The following BICRAL variants were observed in gnomAD, a reference collection of about 807,000 sequenced individuals.
The protein encoded by BICRAL is BICRA like chromatin remodeling complex associated protein.
Under a neutral mutation model 91.8 loss-of-function variants are expected in BICRAL, and 8 were observed. The ratio of observed to expected loss-of-function variants is 0.09; its 90% CI spans 0.05 to 0.16. The LOEUF (loss-of-function observed/expected upper bound fraction) is 0.16. Ranked by LOEUF, BICRAL falls within the 10% of genes least tolerant of loss-of-function variation. BICRAL has a pLI of 1.00. For missense variants in BICRAL, 1,038 were observed against 1,310.9 expected (o/e 0.79, Z 3.21); for synonymous variants, 445 against 491.1 (o/e 0.91, Z 1.24).
chr6:42,812,821 CAGG>C, intron 2 of BICRAL, among the ~76,000 whole-genome samples: 1 of 152,258 alleles, frequency 6.6e-6, no homozygotes, highest in East Asian at 1.9e-4. Flanking sequence ...CGCTTGAGCC[CAGG>C]AGTTCAGGAC....
chr6:42,779,782 G>A (rs1374054017), upstream of BICRAL, among the ~76,000 whole-genome samples: 2 of 151,978 alleles, frequency 1.3e-5, no homozygotes, highest in Non-Finnish European at 2.9e-5. Context: ...CACCATGCCC[G>A]GCTAATTTTT....
At chr6:42,810,101 C>CT (rs1332534365) in intron 1 of BICRAL, among the ~76,000 whole-genome samples, 2 of 152,078 alleles carry the variant, frequency 1.3e-5, no homozygotes, top group African/African-American at 4.8e-5. Context: ...TTTTAAATTT[C>CT]TAAGTCTTTC....
chr6:42,822,942 A>T lies in BICRAL; in HGVS notation c.98A>T (p.Asp33Val). The change falls in exon 5 of 13, where the codon GAT (aspartate) becomes GTT (valine). Residue 33 changes from aspartate to valine, a missense_variant. Physicochemically the swap from Asp to Val is radical, Grantham distance 152. This residue lies in a region of BICRAL where 115 missense variants were observed against 121.5 expected (regional missense o/e 0.95). Coordinates refer to ENST00000314073, the MANE Select transcript of BICRAL (RefSeq NM_001393499.1). ...GAATTTGTATCTTTGCAGAGCAATG[A>T]TGACTTGACTAATGCAGGATATTCT... ...LHGPSNKSSN[D>V]DLTNAGYSAA... The T allele has an allele frequency of 6.2e-7, 1 of 1,610,020 alleles. No homozygotes were observed. Among genetic ancestry groups the T allele is most frequent in the Non-Finnish European group, 8.5e-7 (1 of 1,176,354 alleles).
chr6:42,810,304 A>G lies in BICRAL; in HGVS notation c.-101-2A>G, dbSNP rs1763816290. 1 of 152,188 alleles carries G rather than the reference A, an allele frequency of 6.6e-6. No homozygotes were observed. The highest frequency in any genetic ancestry group is 1.5e-5 in the Non-Finnish European group (1 of 68,040). 9.4% of individuals were successfully genotyped at this position (152,188 alleles called of 1,614,324 possible). A position where few individuals can be genotyped will look rare whatever the true frequency, so the allele number is the denominator to read the frequency against. On this transcript the variant is annotated splice_acceptor_variant, in intron 1 of 12. Transcript: ENST00000314073. LOFTEE classifies it low-confidence loss of function (5UTR_SPLICE). Reference sequence around the variant, plus strand: ...TGAAAATATTGTCATGTTTTCTTCTAGCAAAACGTCATATTATTTCACAAA... The same window carrying G: ...TGAAAATATTGTCATGTTTTCTTCTGGCAAAACGTCATATTATTTCACAAA...
At chr6:42,798,870 C>T (rs1468442148) in intron 1 of BICRAL, among the ~76,000 whole-genome samples, 3 of 152,208 alleles carry the variant, frequency 2.0e-5, no homozygotes, top group Non-Finnish European at 4.4e-5. Flanking sequence ...AGAATATTTA[C>T]AATATCTAAT....
intron 3 of BICRAL, 34 bp from the exon 4 acceptor site, chr6:42,822,762 G>C: frequency 8.0e-7 from 1 of 1,253,882 alleles, no homozygotes; most frequent in Non-Finnish European, 1.2e-6. Context: ...ATATTTGTTT[G>C]TTGTTTTATC....
At position 42,865,234 on chromosome 6, in the gene BICRAL, A is replaced by G. The variant is rs746280423; in HGVS notation, c.3028A>G (p.Thr1010Ala). The G allele has an allele frequency of 2.5e-6, 4 of 1,614,022 alleles. No individual in the cohort carries two copies. Among genetic ancestry groups the G allele is most frequent in the Non-Finnish European group, 3.4e-6 (4 of 1,180,010 alleles). The change falls in exon 13 of 13, where the codon ACA becomes GCA. Residue 1010 changes from threonine to alanine, a missense_variant. Thr to Ala is a moderately conservative substitution (Grantham distance 58). Around this residue, in one of 5 missense-constraint regions of BICRAL, gnomAD observed 92 missense variants for 147.8 expected, o/e 0.62. Coordinates refer to ENST00000314073, the MANE Select transcript of BICRAL (RefSeq NM_001393499.1). ...CCAGCTGACAAAGAGCTTGGAAACCACATTTAAGAACATCTTGGAACTCAA... is the reference window on the plus strand; with the variant it reads ...CCAGCTGACAAAGAGCTTGGAAACCGCATTTAAGAACATCTTGGAACTCAA... ...DLQLTKSLET[T>A]FKNILELKKA...
At chr6:42,784,286 T>G (rs1370520167) in intron 1 of BICRAL, among the ~76,000 whole-genome samples, 1 of 152,210 alleles carries the variant, frequency 6.6e-6, no homozygotes, top group Non-Finnish European at 1.5e-5. Context: ...TATCTGTTGG[T>G]AGTATCTATT....
intron 1 of BICRAL, among the ~76,000 whole-genome samples, chr6:42,775,337 A>G (rs1423022690): frequency 6.6e-6 from 1 of 152,222 alleles, no homozygotes; most frequent in Non-Finnish European, 1.5e-5. Context: ...GTTCTATCTT[A>G]GAGACTGACT....
chr6:42,844,890 C>T (rs1764945813), intron 6 of BICRAL, among the ~76,000 whole-genome samples: 1 of 152,010 alleles, frequency 6.6e-6, no homozygotes, highest in Admixed American at 6.6e-5. Flanking sequence ...TCTTTGTAGA[C>T]AGAGGAGGGA....
chr6:42,861,313 AAAAT>A (rs1765551116), intron 11 of BICRAL, among the ~76,000 whole-genome samples: 2 of 152,342 alleles, frequency 1.3e-5, no homozygotes, highest in African/African-American at 4.8e-5. Context: ...CTCCGTCTCA[AAAAT>A]AAATAAATAA....
chr6:42,861,331 A>C (rs1765551864), intron 11 of BICRAL, among the ~76,000 whole-genome samples: 1 of 152,152 alleles, frequency 6.6e-6, no homozygotes, highest in Non-Finnish European at 1.5e-5. Context: ...TAAATAAATG[A>C]AGTGTACAAC....
chr6:42,856,732 G>T (rs944098949), intron 9 of BICRAL, among the ~76,000 whole-genome samples: 2 of 151,994 alleles, frequency 1.3e-5, no homozygotes, highest in Non-Finnish European at 2.9e-5. Context: ...ATAGTTCTTT[G>T]TCTTTTCAGA....
intron 1 of BICRAL, among the ~76,000 whole-genome samples, chr6:42,786,469 G>A (rs1011964182): frequency 7.5e-6 from 1 of 133,388 alleles, no homozygotes; most frequent in Non-Finnish European, 1.6e-5. Context: ...ATCCAATAAA[G>A]CTTGAAAGGA....
At chr6:42,770,406 A>ATTT (rs1762700342) in intron 1 of BICRAL, among the ~76,000 whole-genome samples, 1 of 115,936 alleles carries the variant, frequency 8.6e-6, no homozygotes, top group Non-Finnish European at 1.7e-5. Context: ...TTTTATTATT[A>ATTT]TTATTATTTT....
chr6:42,793,643 G>A (rs867814860), intron 1 of BICRAL, among the ~76,000 whole-genome samples: 15 of 151,708 alleles, frequency 9.9e-5, no homozygotes, highest in African/African-American at 3.4e-4. Flanking sequence ...ATCTGTGAGA[G>A]TTTTAGGATG....
At chr6:42,755,351 G>C (rs766718839) in intron 1 of BICRAL, among the ~76,000 whole-genome samples, 2 of 152,140 alleles carry the variant, frequency 1.3e-5, no homozygotes, top group East Asian at 1.9e-4. Flanking sequence ...TCAGGAGCTG[G>C]GGTATCCCTG....
chr6:42,786,874 T>A (rs9471915), intron 1 of BICRAL, among the ~76,000 whole-genome samples: 9,066 of 152,156 alleles, frequency 0.06, 387 homozygotes, highest in African/African-American at 0.12. Flanking sequence ...AAATTATGAA[T>A]AGGGTAGGAA....
At chr6:42,758,834 C>T (rs1343956787) in intron 1 of BICRAL, among the ~76,000 whole-genome samples, 1 of 152,114 alleles carries the variant, frequency 6.6e-6, no homozygotes, top group Non-Finnish European at 1.5e-5. Context: ...ATGTTCTAGG[C>T]ACTTTTCTAG....
Sources: gnomAD v4.1 joint callset for allele counts (sites outside exome capture counted in the v4.1 genomes callset) on GRCh38, gnomAD v4.1.1 for gene constraint, gnomAD v4.1.1 regional missense constraint, MANE v1.5 for transcripts, NCBI Gene and HGNC (gene_info 2026-07-23, HGNC 2026-07-21) for gene names.